Variants in THAP4 observed in about 807,000 individuals in gnomAD.
THAP4 encodes the protein THAP domain containing 4, also known as peroxynitrite isomerase THAP4.
Under a neutral mutation model 48.1 loss-of-function variants are expected in THAP4, and 18 were observed. The observed-to-expected ratio is 0.37, with a 90% CI of 0.26 to 0.56. THAP4 has a LOEUF of 0.56. Ranked by LOEUF, THAP4 falls within the 20% of genes least tolerant of loss-of-function variation. The pLI is 0.78. For missense variants in THAP4, 656 were observed against 774.9 expected (o/e 0.85, Z 1.82); for synonymous variants, 345 against 324.9 (o/e 1.06, Z -0.66).
At chr2:241,617,597 A>T (rs2067363851) in intron 2 of THAP4, 3 of 806,446 alleles carry the variant, frequency 3.7e-6, no homozygotes, top group Non-Finnish European at 5.7e-6. Flanking sequence ...AGAAAGTAAA[A>T]GACAATGACA....
chr2:241,591,304 G>T (rs1278457142), intron 5 of THAP4, among the ~76,000 whole-genome samples: 1 of 152,206 alleles, frequency 6.6e-6, no homozygotes, highest in Non-Finnish European at 1.5e-5. Flanking sequence ...GGGCTTGAGA[G>T]GGCAGCGGGG....
At chr2:241,617,205 T>C (rs1367661509) in intron 2 of THAP4, among the ~76,000 whole-genome samples, 2 of 152,170 alleles carry the variant, frequency 1.3e-5, no homozygotes, top group East Asian at 3.8e-4. Context: ...AATTTAAACA[T>C]GAAACAAAAA....
At chr2:241,602,827 C>A in intron 4 of THAP4, 143 bp downstream of exon 4, 1 of 668,026 alleles carries the variant, frequency 1.5e-6, no homozygotes, top group South Asian at 1.7e-5. Flanking sequence ...CCCAGGACCA[C>A]TCTCAACACT....
intron 2 of THAP4, among the ~76,000 whole-genome samples, chr2:241,625,424 G>A (rs951857158): frequency 1.3e-5 from 2 of 150,340 alleles, no homozygotes; most frequent in African/African-American, 4.9e-5. Flanking sequence ...GCAGTGAGCC[G>A]AGGTCACACC....
intron 2 of THAP4, among the ~76,000 whole-genome samples, chr2:241,620,055 G>A (rs2125090547): frequency 9.8e-6 from 1 of 101,696 alleles, no homozygotes; most frequent in Non-Finnish European, 2.0e-5. Context: ...TGAGTGAGGG[G>A]TGAGTGAGGG....
intron 2 of THAP4, among the ~76,000 whole-genome samples, chr2:241,620,158 CG>C (rs2067406522): frequency 1.2e-4 from 3 of 24,618 alleles, no homozygotes; most frequent in Non-Finnish European, 1.4e-4. Flanking sequence ...GTGAGTGAGT[CG>C]GTGAGTGAGG....
In THAP4 at chr2:241,616,791, G is replaced by A. The variant is rs1016519100; in HGVS notation, c.1241-10318C>T. On this transcript the variant is annotated intron_variant, in intron 2 of 5. Coordinates refer to ENST00000407315, the MANE Select transcript of THAP4 (RefSeq NM_015963.6). This position sits in a 1 kb window ranked among gnomAD's most constrained non-coding sequence, Gnocchi z 4.6. The stretch of plus-strand genomic sequence containing the variant: ...GGCTTACGGCTGTGAGCAACTAATG[G>A]CTGTGAGAAATACTTCCCTTCCTGT... Among the ~76,000 whole-genome samples the A allele has an allele frequency of 2.6e-5, 4 of 152,118 alleles. No individual in the cohort carries two copies. The highest frequency in any genetic ancestry group is 5.9e-5 in the Non-Finnish European group (4 of 68,038).
At position 241,633,801 on chromosome 2, in the gene THAP4, G is replaced by A. The variant is rs371399656; in HGVS notation, c.356C>T (p.Ala119Val). The A allele has an allele frequency of 2.8e-5, 45 of 1,613,574 alleles. No individual in the cohort carries two copies. The highest frequency in any genetic ancestry group is 5.0e-5 in the Admixed American group (3 of 60,008). ...CCAACCTGCAGCTCCTCTGCTGGTG[G>A]CGGCACTCGAGTGTCCCCTCACACC... Reference protein sequence around the residue: ...TGGVRGHSSAATSRGAAGWSP... With the variant: ...TGGVRGHSSAVTSRGAAGWSP... Residue 119 changes from alanine to valine, a missense_variant, in exon 2 of 6, where the codon GCC becomes GTC. Physicochemically the swap from Ala to Val is moderately conservative, Grantham distance 64. Transcript: ENST00000407315. This position sits in a 1 kb window ranked among gnomAD's most constrained non-coding sequence, Gnocchi z 7.5.
At chr2:241,594,869 G>A (rs2067029075) in intron 5 of THAP4, 1 of 173,222 alleles carries the variant, frequency 5.8e-6, no homozygotes, top group Non-Finnish European at 1.2e-5. Flanking sequence ...CTGAGTCCAG[G>A]GGGGTTGAGG....
chr2:241,600,356 C>T (rs1489917673), intron 5 of THAP4, among the ~76,000 whole-genome samples: 2 of 151,818 alleles, frequency 1.3e-5, no homozygotes, highest in Admixed American at 6.6e-5. Context: ...TTATACGCTG[C>T]GTCACTCAAA....
At chr2:241,615,775 T>G (rs2067333036) in intron 2 of THAP4, among the ~76,000 whole-genome samples, 1 of 152,190 alleles carries the variant, frequency 6.6e-6, no homozygotes, top group Non-Finnish European at 1.5e-5. Context: ...CACTCCTCTC[T>G]TCTCCCAGGT....
At chr2:241,593,693 T>C (rs952012232) in intron 5 of THAP4, among the ~76,000 whole-genome samples, 1 of 152,158 alleles carries the variant, frequency 6.6e-6, no homozygotes. Context: ...TATTATTTCA[T>C]GTATTTATTT....
Position 241,616,772 on chromosome 2 carries a change from C to T in THAP4, c.1241-10299G>A, listed in dbSNP as rs2067354216. ...GGCTAAGCAACTAGATGGAGGCTTA[C>T]GGCTGTGAGCAACTAATGGCTGTGA... On this transcript the variant is annotated intron_variant, in intron 2 of 5. Transcript: ENST00000407315. This position sits in a 1 kb window ranked among gnomAD's most constrained non-coding sequence, Gnocchi z 4.6. Among the ~76,000 whole-genome samples the T allele has an allele frequency of 1.3e-5, 2 of 152,298 alleles. No homozygotes were observed. Among genetic ancestry groups the T allele is most frequent in the South Asian group, 2.1e-4 (1 of 4,824 alleles).
At chr2:241,608,122 A>G (rs1458222968) in intron 2 of THAP4, among the ~76,000 whole-genome samples, 1 of 152,158 alleles carries the variant, frequency 6.6e-6, no homozygotes, top group Non-Finnish European at 1.5e-5. Context: ...TGGGAAAAGA[A>G]GATCGGGGGA....
intron 2 of THAP4, among the ~76,000 whole-genome samples, chr2:241,621,068 T>G (rs1400795428): frequency 6.6e-6 from 1 of 152,108 alleles, no homozygotes; most frequent in Non-Finnish European, 1.5e-5. Context: ...ACTGGTTAGT[T>G]TGGGGACAGT....
chr2:241,622,547 G>A (rs755584610), intron 2 of THAP4, among the ~76,000 whole-genome samples: 3 of 151,830 alleles, frequency 2.0e-5, no homozygotes, highest in Non-Finnish European at 2.9e-5. Context: ...GTAAGTGAAG[G>A]TAAAATAAAA....
chr2:241,607,335 G>A (rs1360231542), intron 2 of THAP4, among the ~76,000 whole-genome samples: 1 of 151,928 alleles, frequency 6.6e-6, no homozygotes. Flanking sequence ...GGCTTTTCAG[G>A]ATTCACTCAC....
intron 5 of THAP4, among the ~76,000 whole-genome samples, chr2:241,588,087 A>G (rs1196315337): frequency 6.6e-6 from 1 of 152,144 alleles, no homozygotes; most frequent in Non-Finnish European, 1.5e-5. Flanking sequence ...AACAAACTAC[A>G]GAAATGAATG....
At chr2:241,632,091 ATG>A (rs1172120257) in intron 2 of THAP4, among the ~76,000 whole-genome samples, 1 of 150,750 alleles carries the variant, frequency 6.6e-6, no homozygotes, top group South Asian at 2.1e-4. Flanking sequence ...GTTTCAATAG[ATG>A]TGTGTCTTTT....
Sources: allele counts gnomAD v4.1 joint callset (sites outside exome capture counted in the v4.1 genomes callset), GRCh38; gene constraint gnomAD v4.1.1; non-coding constraint Gnocchi (gnomAD v3.1); transcripts MANE v1.5; gene names NCBI Gene and HGNC (gene_info 2026-07-23, HGNC 2026-07-21).